PPP2R2C: variants seen among roughly 807,000 people sequenced by gnomAD.
PPP2R2C encodes the protein protein phosphatase 2 regulatory subunit Bgamma, also known as protein phosphatase 2, regulatory subunit B, gamma.
PPP2R2C carries 10 observed loss-of-function variants against 45.3 expected under a neutral mutation model. The observed-to-expected ratio is 0.22, with a 90% CI of 0.14 to 0.37. The LOEUF (loss-of-function observed/expected upper bound fraction) is 0.37, where lower values mean the gene tolerates loss of function less well. Among genes scored for constraint, PPP2R2C ranks in the 10% least tolerant of loss-of-function variants. The pLI, the probability that PPP2R2C is intolerant of heterozygous loss-of-function variation, is 1.00. For missense variants in PPP2R2C, 308 were observed against 619.7 expected (o/e 0.50, Z 5.34); for synonymous variants, 257 against 245.4 (o/e 1.05, Z -0.44).
chr4:6,438,491 C>T (rs1310210648), intron 1 of PPP2R2C, among the ~76,000 whole-genome samples: 2 of 152,250 alleles, frequency 1.3e-5, no homozygotes, highest in East Asian at 1.9e-4. Flanking sequence ...ATTCAGCTCC[C>T]TCCCTTTCAG....
chr4:6,370,136 G>A (rs1257321691), intron 5 of PPP2R2C, among the ~76,000 whole-genome samples: 1 of 152,220 alleles, frequency 6.6e-6, no homozygotes. Context: ...CTGTCCCAGG[G>A]CTGCAGGGGG....
chr4:6,531,671 C>T (rs1724406922), intron 2 of PPP2R2C, among the ~76,000 whole-genome samples: 1 of 152,024 alleles, frequency 6.6e-6, no homozygotes, highest in Non-Finnish European at 1.5e-5. Context: ...CTGTGAACCC[C>T]AGCTCTTCCT....
chr4:6,383,241 C>A, intron 1 of PPP2R2C: 4 of 1,201,754 alleles, frequency 3.3e-6, no homozygotes, highest in Non-Finnish European at 2.1e-6. Context: ...AAGAACCCCC[C>A]CAACCCCCGG....
chr4:6,476,400 GC>G (rs1414689409), upstream of PPP2R2C, among the ~76,000 whole-genome samples: 1 of 152,144 alleles, frequency 6.6e-6, no homozygotes, highest in Admixed American at 6.6e-5. Context: ...CAAGGGTGGG[GC>G]CCTCATAATG....
At chr4:6,455,158 C>T (rs1249985760) in intron 1 of PPP2R2C, among the ~76,000 whole-genome samples, 1 of 152,206 alleles carries the variant, frequency 6.6e-6, no homozygotes, top group Non-Finnish European at 1.5e-5. Flanking sequence ...CATTCGTGGA[C>T]TTACTCTTCC....
intron 1 of PPP2R2C, chr4:6,535,465 G>A (rs1169267165): frequency 4.2e-5 from 38 of 901,330 alleles, no homozygotes; most frequent in South Asian, 2.5e-4. Flanking sequence ...CGCGAGCACC[G>A]CCACCCACGG....
chr4:6,509,706 G>A (rs1308904817), intron 2 of PPP2R2C, among the ~76,000 whole-genome samples: 3 of 152,114 alleles, frequency 2.0e-5, no homozygotes, highest in Non-Finnish European at 2.9e-5. Flanking sequence ...TCACTTATCC[G>A]TTCAACAAAC....
chr4:6,377,140 T>C (rs570017719), intron 3 of PPP2R2C, among the ~76,000 whole-genome samples: 3 of 152,302 alleles, frequency 2.0e-5, no homozygotes, highest in African/African-American at 7.2e-5. Context: ...CGCCTAGCCA[T>C]GTTCGGGAGA....
At chr4:6,323,966 G>C (rs1731738760) in intron 8 of PPP2R2C, among the ~76,000 whole-genome samples, 1 of 151,972 alleles carries the variant, frequency 6.6e-6, no homozygotes, top group African/African-American at 2.4e-5. Context: ...AAATGAAAAA[G>C]CAATCCCAGA....
chr4:6,395,438 C>T (rs1192479763), intron 1 of PPP2R2C, among the ~76,000 whole-genome samples: 2 of 152,206 alleles, frequency 1.3e-5, no homozygotes, highest in Non-Finnish European at 2.9e-5. Flanking sequence ...CAGCAAGGAC[C>T]ACCCGGTGTC....
chr4:6,531,983 T>C (rs1226780579), intron 2 of PPP2R2C, among the ~76,000 whole-genome samples: 4 of 152,216 alleles, frequency 2.6e-5, no homozygotes, highest in Non-Finnish European at 1.5e-5. Context: ...CCACCCAGTA[T>C]GGATTCCATT....
intron 1 of PPP2R2C, among the ~76,000 whole-genome samples, chr4:6,542,058 A>C (rs1205286468): frequency 2.0e-5 from 3 of 152,272 alleles, no homozygotes; most frequent in African/African-American, 7.2e-5. Context: ...ACTCGTGATC[A>C]CAATGAAAGA....
At chr4:6,373,887 G>A (rs929022473) in intron 4 of PPP2R2C, among the ~76,000 whole-genome samples, 12 of 145,876 alleles carry the variant, frequency 8.2e-5, no homozygotes, top group South Asian at 2.2e-4. Context: ...CTGAGTATAC[G>A]TGTATGTGCA....
chr4:6,351,023 G>A (rs2109234055), intron 5 of PPP2R2C: 1 of 985,354 alleles, frequency 1.0e-6, no homozygotes, highest in African/African-American at 1.7e-5. Context: ...GTATGTAGGA[G>A]GCCAGGCACC....
chr4:6,382,476 C>G, intron 1 of PPP2R2C: 1 of 1,352,086 alleles, frequency 7.4e-7, no homozygotes, highest in Non-Finnish European at 9.8e-7. Flanking sequence ...CCAGTGCATC[C>G]CTGTGTCCCT....
upstream of PPP2R2C, among the ~76,000 whole-genome samples, chr4:6,476,993 T>C (rs56217702): frequency 0.12 from 18,023 of 152,140 alleles, 1,241 homozygotes; most frequent in Non-Finnish European, 0.16. Flanking sequence ...GGTGCAGCAG[T>C]TCATATCACC....
chr4:6,431,928 G>C (rs1719645385), intron 1 of PPP2R2C, among the ~76,000 whole-genome samples: 1 of 152,156 alleles, frequency 6.6e-6, no homozygotes, highest in Admixed American at 6.5e-5. Flanking sequence ...AGAAGCTTCA[G>C]TGTCTGGGGA....
intron 1 of PPP2R2C, among the ~76,000 whole-genome samples, chr4:6,416,377 G>A (rs11726572): frequency 0.95 from 145,335 of 152,264 alleles, 69,734 homozygotes; most frequent in East Asian, 1. Flanking sequence ...TCTGACTCAA[G>A]GCCTCTTTCC....
rs896381800 is a variant in PPP2R2C, at chr4:6,329,058, G to A, written c.1052+204C>T. Reference sequence around the variant, plus strand: ...GTGGCTGTGAGGTTCAGTGACAGAAGATGAAGAATTTCATGTCCTGCCCCT... The same window carrying A: ...GTGGCTGTGAGGTTCAGTGACAGAAAATGAAGAATTTCATGTCCTGCCCCT... On this transcript the variant is annotated intron_variant, in intron 8 of 8. Coordinates refer to ENST00000382599, the MANE Select transcript of PPP2R2C (RefSeq NM_020416.4). This position sits in a 1 kb window ranked among gnomAD's most constrained non-coding sequence, Gnocchi z 5.8. 6.6e-6 allele frequency among the ~76,000 whole-genome samples: 1 copy of A among 152,216 alleles called. No homozygotes were observed.
Sources: gnomAD v4.1 joint callset for allele counts (sites outside exome capture counted in the v4.1 genomes callset) on GRCh38, gnomAD v4.1.1 for gene constraint, Gnocchi (gnomAD v3.1) non-coding constraint, MANE v1.5 for transcripts, NCBI Gene and HGNC (gene_info 2026-07-23, HGNC 2026-07-21) for gene names.